Variants in CHRNA7 observed in about 807,000 individuals in gnomAD.
CHRNA7 encodes the protein cholinergic receptor nicotinic alpha 7 subunit.
Under a neutral mutation model 48.0 loss-of-function variants are expected in CHRNA7, and 17 were observed. That is an observed-to-expected ratio of 0.35 (90% CI 0.24 to 0.53). The LOEUF is 0.53. Among genes scored for constraint, CHRNA7 ranks in the 20% least tolerant of loss-of-function variants. The pLI is 0.92. For missense variants in CHRNA7, 155 were observed against 577.7 expected (o/e 0.27, Z 7.50); for synonymous variants, 75 against 242.3 (o/e 0.31, Z 6.41).
chr15:32,116,424 G>T (rs2050872890), intron 4 of CHRNA7, among the ~76,000 whole-genome samples: 1 of 152,226 alleles, frequency 6.6e-6, no homozygotes, highest in Admixed American at 6.5e-5. Flanking sequence ...CCAGCCAGCT[G>T]GCCAGGTCGC....
At chr15:32,139,967 A>G (rs1157290786) in intron 4 of CHRNA7, among the ~76,000 whole-genome samples, 1 of 152,132 alleles carries the variant, frequency 6.6e-6, no homozygotes, top group Non-Finnish European at 1.5e-5. Flanking sequence ...ACCTGTGCAC[A>G]ATGTGCAGGT....
intron 4 of CHRNA7, among the ~76,000 whole-genome samples, chr15:32,133,624 G>C (rs1310352115): frequency 6.6e-6 from 1 of 152,202 alleles, no homozygotes; most frequent in Admixed American, 6.5e-5. Context: ...AGTGCAAGAC[G>C]ATGAAAAAGA....
At chr15:32,123,413 C>T (rs1168742433) in intron 4 of CHRNA7, among the ~76,000 whole-genome samples, 3 of 152,090 alleles carry the variant, frequency 2.0e-5, no homozygotes, top group Non-Finnish European at 2.9e-5. Flanking sequence ...AACCTGAAGT[C>T]GATACCTCTA....
chr15:32,132,519 G>A (rs902308902), intron 4 of CHRNA7, among the ~76,000 whole-genome samples: 2 of 152,174 alleles, frequency 1.3e-5, no homozygotes, highest in African/African-American at 4.8e-5. Context: ...AGACTGGGAG[G>A]CTTTAAATAA....
intron 3 of CHRNA7, among the ~76,000 whole-genome samples, chr15:32,108,772 C>CTG (rs2050714575): frequency 1.3e-5 from 2 of 152,168 alleles, no homozygotes; most frequent in Admixed American, 1.3e-4. Context: ...TTTAAGCCAC[C>CTG]ATTCATCACT....
chr15:32,073,983 T>C (rs1056032804), intron 2 of CHRNA7, among the ~76,000 whole-genome samples: 1 of 152,020 alleles, frequency 6.6e-6, no homozygotes, highest in Non-Finnish European at 1.5e-5. Context: ...GTTTTCCTTC[T>C]TCCTGTTCCC....
intron 4 of CHRNA7, among the ~76,000 whole-genome samples, chr15:32,139,906 T>C (rs966154043): frequency 2.6e-5 from 4 of 152,172 alleles, no homozygotes; most frequent in Admixed American, 2.0e-4. Flanking sequence ...AATATCATTA[T>C]GAACATAAAT....
intron 2 of CHRNA7, among the ~76,000 whole-genome samples, chr15:32,033,116 ATC>A (rs1901923653): frequency 6.6e-6 from 1 of 152,174 alleles, no homozygotes; most frequent in African/African-American, 2.4e-5. Context: ...GAGAAAGTTT[ATC>A]TCTCACCTTA....
intron 2 of CHRNA7, among the ~76,000 whole-genome samples, chr15:32,055,334 G>C (rs75004570): frequency 1.2e-3 from 187 of 151,522 alleles, no homozygotes; most frequent in African/African-American, 4.4e-3. Context: ...GTTTTGTGCT[G>C]TTATAACAGA....
chr15:32,047,905 CT>C (rs2049585016), intron 2 of CHRNA7, among the ~76,000 whole-genome samples: 2 of 152,058 alleles, frequency 1.3e-5, no homozygotes, highest in Non-Finnish European at 2.9e-5. Flanking sequence ...TGTCAAAGGC[CT>C]TTTCTGCATC....
At chr15:32,119,708 GTTA>G (rs1435988369) in intron 4 of CHRNA7, among the ~76,000 whole-genome samples, 1 of 152,070 alleles carries the variant, frequency 6.6e-6, no homozygotes, top group Non-Finnish European at 1.5e-5. Flanking sequence ...TTGTCCAGAA[GTTA>G]TTATCTGTTC....
intron 2 of CHRNA7, among the ~76,000 whole-genome samples, chr15:32,097,005 C>T (rs943106862): frequency 8.5e-5 from 10 of 117,392 alleles, no homozygotes; most frequent in African/African-American, 3.2e-4. Context: ...GCAGGAGAGC[C>T]GTGTGTGTGA....
intron 4 of CHRNA7, among the ~76,000 whole-genome samples, chr15:32,140,349 C>CT (rs1418123325): frequency 1.2e-4 from 19 of 152,252 alleles, no homozygotes; most frequent in African/African-American, 3.6e-4. Flanking sequence ...GGTTCCAAGT[C>CT]TTTGCTATTG....
At chr15:32,122,576 C>T (rs1021463627) in intron 4 of CHRNA7, among the ~76,000 whole-genome samples, 3 of 152,044 alleles carry the variant, frequency 2.0e-5, no homozygotes, top group African/African-American at 7.2e-5. Flanking sequence ...GGAGACTATC[C>T]ATTTATTCTA....
chr15:32,127,056 C>T lies in CHRNA7; in HGVS notation c.350+15157C>T, dbSNP rs150138033. Among the ~76,000 whole-genome samples the T allele has an allele frequency of 6.1e-4, 93 of 152,278 alleles. 1 individual carries two copies. The highest frequency in any genetic ancestry group is 2.1e-3 in the African/African-American group (89 of 41,568). ...TGCACTATACCCTTATAGCCACATC[C>T]CGCTTGTCCCTAACTACTGGCAAAC... On this transcript the variant is annotated intron_variant, in intron 4 of 9. Coordinates refer to ENST00000306901, the MANE Select transcript of CHRNA7 (RefSeq NM_000746.6).
chr15:32,111,443 T>C (rs2050760657), intron 3 of CHRNA7: 1 of 194,686 alleles, frequency 5.1e-6, no homozygotes, highest in South Asian at 1.7e-4. Context: ...GAAGTATTCT[T>C]ACAGTGAAAA....
intron 2 of CHRNA7, among the ~76,000 whole-genome samples, chr15:32,050,150 C>G (rs1236871264): frequency 2.0e-5 from 3 of 152,146 alleles, no homozygotes; most frequent in Admixed American, 6.5e-5. Flanking sequence ...CGATGAGTAT[C>G]TTTGTGGTGT....
chr15:32,122,612 A>G (rs922949268), intron 4 of CHRNA7, among the ~76,000 whole-genome samples: 3 of 151,980 alleles, frequency 2.0e-5, no homozygotes, highest in African/African-American at 2.4e-5. Context: ...TTTATTGTGT[A>G]TGGTTTTTTT....
intron 2 of CHRNA7, among the ~76,000 whole-genome samples, chr15:32,072,679 A>G (rs1444045894): frequency 6.6e-6 from 1 of 152,190 alleles, no homozygotes; most frequent in Non-Finnish European, 1.5e-5. Flanking sequence ...AGGACACTGC[A>G]TCCGTGATCC....
Sources: gnomAD v4.1 joint callset for allele counts (sites outside exome capture counted in the v4.1 genomes callset) on GRCh38, gnomAD v4.1.1 for gene constraint, MANE v1.5 for transcripts, NCBI Gene and HGNC (gene_info 2026-07-23, HGNC 2026-07-21) for gene names.